The following NSUN3 variants were observed in gnomAD, a reference collection of about 807,000 sequenced individuals.
NSUN3 encodes tRNA (cytosine(34)-C(5))-methyltransferase, mitochondrial.
A neutral mutation model predicts 36.8 loss-of-function variants in NSUN3; 24 were observed. The ratio of observed to expected loss-of-function variants is 0.65; its 90% CI spans 0.47 to 0.92. NSUN3 has a LOEUF of 0.92. Among genes scored for constraint, NSUN3 ranks in the 40% least tolerant of loss-of-function variants. The pLI is 0.00. For synonymous variants in NSUN3, 146 were observed against 145.2 expected, an observed-to-expected ratio of 1.01 and a Z score of -0.04; for missense variants, 381 against 392.8, an observed-to-expected ratio of 0.97 and a Z score of 0.25.
chr3:94,113,079 T>A (rs2077424545), intron 5 of NSUN3, among the ~76,000 whole-genome samples: 2 of 152,244 alleles, frequency 1.3e-5, no homozygotes, highest in South Asian at 4.1e-4. Flanking sequence ...TTAGCCAGGA[T>A]GGTCTCAATC....
At chr3:94,109,046 C>T (rs1487917709) in intron 5 of NSUN3, among the ~76,000 whole-genome samples, 1 of 152,206 alleles carries the variant, frequency 6.6e-6, no homozygotes, top group Non-Finnish European at 1.5e-5. Flanking sequence ...GAATGCAACA[C>T]AAACCCTGTT....
intron 5 of NSUN3, among the ~76,000 whole-genome samples, chr3:94,113,751 C>T (rs775657746): frequency 7.9e-5 from 12 of 152,072 alleles, no homozygotes; most frequent in Non-Finnish European, 1.6e-4. Flanking sequence ...TTTTATCTAC[C>T]TTTTAGAGTT....
At chr3:94,079,989 C>A (rs1044180107) in intron 2 of NSUN3, among the ~76,000 whole-genome samples, 4 of 152,050 alleles carry the variant, frequency 2.6e-5, no homozygotes, top group African/African-American at 9.7e-5. Context: ...GAGTTGTGAT[C>A]CTTTGGAGGA....
chr3:94,097,488 T>G (rs1383081019), intron 5 of NSUN3, among the ~76,000 whole-genome samples: 1 of 152,204 alleles, frequency 6.6e-6, no homozygotes, highest in Non-Finnish European at 1.5e-5. Flanking sequence ...ATCCTCTATT[T>G]CTGGATATTT....
chr3:94,091,431 G>C (rs2077314654), intron 3 of NSUN3, among the ~76,000 whole-genome samples: 1 of 152,080 alleles, frequency 6.6e-6, no homozygotes, highest in African/African-American at 2.4e-5. Flanking sequence ...TGGAAGATAG[G>C]AGTTAGAAAA....
intron 2 of NSUN3, among the ~76,000 whole-genome samples, chr3:94,075,737 C>CG (rs993031420): frequency 1.3e-5 from 2 of 152,090 alleles, no homozygotes; most frequent in Admixed American, 1.3e-4. Context: ...CAAGCCCCCC[C>CG]CCCCAATAAT....
intron 5 of NSUN3, among the ~76,000 whole-genome samples, chr3:94,119,714 T>G (rs1259513686): frequency 6.6e-6 from 1 of 152,230 alleles, no homozygotes; most frequent in Non-Finnish European, 1.5e-5. Flanking sequence ...TCCTTTATCT[T>G]TGAATACAAA....
At position 94,094,373 on chromosome 3, in the gene NSUN3, A is replaced by G. The variant is rs186232632; in HGVS notation, c.621+79A>G. ...TGTTGCTTTGTGGTTGTTATTTTCC[A>G]TCTGTTCTCAGACATAGCCTGATAC... On this transcript the variant is annotated intron_variant, in intron 4 of 5. Transcript: ENST00000314622. 344 of 1,403,974 alleles carry G rather than the reference A, an allele frequency of 2.5e-4. No individual in the cohort carries two copies. In the African/African-American group the frequency reaches 4.1e-3, roughly 17 times the overall value. The allele number at this position is 1,403,974 out of a possible 1,614,324, so 87.0% of individuals were successfully genotyped here.
chr3:94,104,540 C>A (rs1161008772), intron 5 of NSUN3, among the ~76,000 whole-genome samples: 1 of 152,152 alleles, frequency 6.6e-6, no homozygotes, highest in Non-Finnish European at 1.5e-5. Flanking sequence ...GGGATTCAAT[C>A]AACTCTTCCA....
chr3:94,098,525 A>G (rs2077352565), intron 5 of NSUN3, among the ~76,000 whole-genome samples: 1 of 152,042 alleles, frequency 6.6e-6, no homozygotes, highest in Admixed American at 6.6e-5. Flanking sequence ...TCCAGTGAAA[A>G]CCAGGATTTG....
intron 2 of NSUN3, among the ~76,000 whole-genome samples, chr3:94,065,241 G>A (rs1447124606): frequency 6.6e-6 from 1 of 152,130 alleles, no homozygotes; most frequent in Non-Finnish European, 1.5e-5. Flanking sequence ...GGAGAAGTGA[G>A]GAGATGGGTG....
intron 3 of NSUN3, among the ~76,000 whole-genome samples, chr3:94,087,344 G>A (rs1031004176): frequency 6.6e-6 from 1 of 152,196 alleles, no homozygotes; most frequent in African/African-American, 2.4e-5. Flanking sequence ...CTTTAGATCA[G>A]TACTGACCTT....
intron 5 of NSUN3, among the ~76,000 whole-genome samples, chr3:94,109,888 A>G (rs2077408871): frequency 6.6e-6 from 1 of 152,232 alleles, no homozygotes; most frequent in African/African-American, 2.4e-5. Context: ...GTACGCCTTC[A>G]GAATTCATTG....
chr3:94,093,924 T>G (rs561871655), intron 3 of NSUN3, among the ~76,000 whole-genome samples: 2 of 152,250 alleles, frequency 1.3e-5, no homozygotes, highest in Admixed American at 1.3e-4. Context: ...ATGACTGTTG[T>G]AAATGTTTTA....
chr3:94,095,828 C>A (rs1374725236), intron 5 of NSUN3, among the ~76,000 whole-genome samples: 2 of 151,946 alleles, frequency 1.3e-5, no homozygotes, highest in Non-Finnish European at 2.9e-5. Flanking sequence ...CTCACTGCAA[C>A]GTCCACCTCC....
At position 94,082,875 on chromosome 3, in the gene NSUN3, C is replaced by A. The variant is rs985216493; in HGVS notation, c.123-1232C>A. 9.9e-5 allele frequency among the ~76,000 whole-genome samples: 15 copies of A among 152,126 alleles called. 1 individual carries two copies. The highest frequency in any genetic ancestry group is 1.2e-4 in the Non-Finnish European group (8 of 68,020). On this transcript the variant is annotated intron_variant, in intron 2 of 5. Transcript: ENST00000314622. Reference sequence around the variant, plus strand: ...GTTTTTTATCATCTGAGCCACTCATCGCCTCATTAACTCCATTACTGTAGA... The same window carrying A: ...GTTTTTTATCATCTGAGCCACTCATAGCCTCATTAACTCCATTACTGTAGA...
rs538123259 is a variant in NSUN3 at position 94,091,477 on chromosome 3, G to A, written c.467-2663G>A. Among the ~76,000 whole-genome samples the A allele has an allele frequency of 7.6e-4, 115 of 152,278 alleles. 1 individual carries two copies. Among genetic ancestry groups the A allele is most frequent in the African/African-American group, 2.7e-3 (113 of 41,560 alleles). ...GCAAAGGTGGGATATTATGTGGGGAGTGCCTAACCATCATTGGCTATATAA... is the reference window on the plus strand; with the variant it reads ...GCAAAGGTGGGATATTATGTGGGGAATGCCTAACCATCATTGGCTATATAA... On this transcript the variant is annotated intron_variant, in intron 3 of 5. Coordinates refer to ENST00000314622, the MANE Select transcript of NSUN3 (RefSeq NM_022072.5).
chr3:94,105,011 G>A (rs962538604), intron 5 of NSUN3, among the ~76,000 whole-genome samples: 2 of 152,148 alleles, frequency 1.3e-5, no homozygotes, highest in Non-Finnish European at 2.9e-5. Context: ...ACAAAACTGA[G>A]CCAATAAGTA....
intron 5 of NSUN3, among the ~76,000 whole-genome samples, chr3:94,096,602 G>A (rs757274555): frequency 2.0e-5 from 3 of 152,002 alleles, no homozygotes; most frequent in Non-Finnish European, 4.4e-5. Context: ...GGGTTCAAGC[G>A]ATTCTCATGC....
Sources: gnomAD v4.1 joint callset for allele counts (sites outside exome capture counted in the v4.1 genomes callset) on GRCh38, gnomAD v4.1.1 for gene constraint, MANE v1.5 for transcripts, NCBI Gene and HGNC (gene_info 2026-07-23, HGNC 2026-07-21) for gene names.